Variants in TIAM1 observed in about 807,000 individuals in gnomAD.
TIAM1 encodes TIAM Rac1 associated GEF 1, also known as rho guanine nucleotide exchange factor TIAM1.
Under a neutral mutation model 163.5 loss-of-function variants are expected in TIAM1, and 65 were observed. The ratio of observed to expected loss-of-function variants is 0.40; its 90% CI spans 0.33 to 0.49. The LOEUF (loss-of-function observed/expected upper bound fraction) is 0.49, where lower values mean the gene tolerates loss of function less well. TIAM1 is among the 20% of genes least tolerant of loss of function. The pLI is 0.77. For missense variants in TIAM1, 1,789 were observed against 2,044.7 expected (o/e 0.87, Z 2.41); for synonymous variants, 833 against 810.1 (o/e 1.03, Z -0.48).
At chr21:31,170,984 T>C (rs2284475) in intron 15 of TIAM1, among the ~76,000 whole-genome samples, 115,271 of 146,010 alleles carry the variant, frequency 0.79, 45,430 homozygotes, top group South Asian at 0.89. Flanking sequence ...TGCCAGGAGC[T>C]GAGATTGTGC....
chr21:31,427,707 A>C (rs1482289406), intron 2 of TIAM1, among the ~76,000 whole-genome samples: 1 of 149,306 alleles, frequency 6.7e-6, no homozygotes, highest in African/African-American at 2.5e-5. Flanking sequence ...GGTGGTGTGC[A>C]CCTATAGTCC....
At chr21:31,436,194 C>A (rs999394358) in intron 2 of TIAM1, among the ~76,000 whole-genome samples, 2 of 152,132 alleles carry the variant, frequency 1.3e-5, no homozygotes, top group African/African-American at 2.4e-5. Context: ...ATTTATCAGC[C>A]TCCACTATAG....
intron 1 of TIAM1, among the ~76,000 whole-genome samples, chr21:31,341,191 G>A (rs944655829): frequency 2.6e-5 from 4 of 152,128 alleles, no homozygotes; most frequent in Admixed American, 6.5e-5. Context: ...AACCTTACAC[G>A]AATATTCATA....
chr21:31,556,722 T>G (rs2048892339), intron 1 of TIAM1, among the ~76,000 whole-genome samples: 1 of 152,202 alleles, frequency 6.6e-6, no homozygotes, highest in South Asian at 2.1e-4. Flanking sequence ...TTTGAAGATA[T>G]TCAATGAAAT....
At chr21:31,434,944 G>C (rs1239247948) in intron 2 of TIAM1, among the ~76,000 whole-genome samples, 1 of 152,230 alleles carries the variant, frequency 6.6e-6, no homozygotes, top group Non-Finnish European at 1.5e-5. Context: ...GTAAACGAAT[G>C]AAGTATTATG....
At chr21:31,387,195 C>CTCTTTTTTTT (rs759122075) in intron 2 of TIAM1, among the ~76,000 whole-genome samples, 14 of 75,160 alleles carry the variant, frequency 1.9e-4, no homozygotes, top group Admixed American at 4.1e-4. Flanking sequence ...AGCTTATTCT[C>CTCTTTTTTTT]TTTTTTTTTT....
At chr21:31,249,125 GA>G (rs1298792372) in intron 5 of TIAM1, among the ~76,000 whole-genome samples, 1 of 152,124 alleles carries the variant, frequency 6.6e-6, no homozygotes, top group Non-Finnish European at 1.5e-5. Context: ...AGTTAGCTCA[GA>G]ATATGATCAT....
At chr21:31,186,449 GACC>G (rs1360621194) in intron 14 of TIAM1, among the ~76,000 whole-genome samples, 1 of 152,026 alleles carries the variant, frequency 6.6e-6, no homozygotes, top group African/African-American at 2.4e-5. Flanking sequence ...GGAGAAGGAC[GACC>G]ACATGATTAG....
intron 1 of TIAM1, among the ~76,000 whole-genome samples, chr21:31,514,392 T>C (rs2047311282): frequency 6.6e-6 from 1 of 151,968 alleles, no homozygotes; most frequent in Non-Finnish European, 1.5e-5. Flanking sequence ...AATGTTAAGT[T>C]CCTAGCTGGA....
intron 1 of TIAM1, among the ~76,000 whole-genome samples, chr21:31,539,961 G>A (rs2048267044): frequency 6.6e-6 from 1 of 151,812 alleles, no homozygotes; most frequent in Admixed American, 6.6e-5. Context: ...GGAGGCTGAG[G>A]CACAAGGATC....
intron 2 of TIAM1, among the ~76,000 whole-genome samples, chr21:31,435,055 C>G (rs1348522039): frequency 6.6e-6 from 1 of 152,204 alleles, no homozygotes; most frequent in Admixed American, 6.5e-5. Flanking sequence ...TGGTACTGAG[C>G]AGATTCTTGG....
intron 6 of TIAM1, among the ~76,000 whole-genome samples, chr21:31,228,233 A>AGGAG (rs1569068675): frequency 3.2e-5 from 1 of 31,320 alleles, no homozygotes; most frequent in African/African-American, 1.1e-4. Flanking sequence ...AAAAAAAAAA[A>AGGAG]AAAAAAAAAA....
At chr21:31,397,972 C>G (rs778176955) in intron 2 of TIAM1, among the ~76,000 whole-genome samples, 43 of 152,012 alleles carry the variant, frequency 2.8e-4, no homozygotes, top group Non-Finnish European at 5.1e-4. Context: ...CTTCAGCCTG[C>G]CCCTGTGCAG....
intron 2 of TIAM1, among the ~76,000 whole-genome samples, chr21:31,320,102 A>G (rs1027296627): frequency 6.6e-5 from 10 of 152,230 alleles, no homozygotes; most frequent in Non-Finnish European, 8.8e-5. Context: ...CTATGCTTAC[A>G]TGTATATAAA....
At chr21:31,164,376 C>G (rs1009601800) in intron 16 of TIAM1, among the ~76,000 whole-genome samples, 1 of 141,234 alleles carries the variant, frequency 7.1e-6, no homozygotes, top group African/African-American at 2.8e-5. Context: ...GGCGACAGAG[C>G]GAGACTCCAT....
rs558208994 is a variant in TIAM1, at chr21:31,533,682, T to C, written c.-422+25245A>G. Among the ~76,000 whole-genome samples the C allele has an allele frequency of 1.8e-4, 28 of 152,290 alleles. No individual in the cohort carries two copies. In the South Asian group the frequency reaches 3.3e-3, roughly 18 times the overall value. Reference sequence around the variant, plus strand: ...CAGAAGTTTGAGGCTGCACGAGCTGTGTTCATGCCACTGCTCTCCGGCCTG... The same window carrying C: ...CAGAAGTTTGAGGCTGCACGAGCTGCGTTCATGCCACTGCTCTCCGGCCTG... On this transcript the variant is annotated intron_variant, in intron 1 of 28. Coordinates refer to the TIAM1 transcript ENST00000286827.
intron 2 of TIAM1, among the ~76,000 whole-genome samples, chr21:31,455,650 T>C (rs1260540159): frequency 6.6e-6 from 1 of 152,132 alleles, no homozygotes; most frequent in Non-Finnish European, 1.5e-5. Flanking sequence ...AACTATGAGT[T>C]AATAGTAGAA....
chr21:31,288,401 C>G (rs1296426095), intron 2 of TIAM1, among the ~76,000 whole-genome samples: 2 of 152,256 alleles, frequency 1.3e-5, no homozygotes, highest in African/African-American at 4.8e-5. Flanking sequence ...GCAGATTCAG[C>G]ATCTGATGAG....
At chr21:31,374,735 G>T (rs2076655910) in intron 2 of TIAM1, among the ~76,000 whole-genome samples, 1 of 152,192 alleles carries the variant, frequency 6.6e-6, no homozygotes, top group African/African-American at 2.4e-5. Context: ...AAGGCAATAT[G>T]GGATAAGACT....
Sources: allele counts gnomAD v4.1 joint callset (sites outside exome capture counted in the v4.1 genomes callset), GRCh38; gene constraint gnomAD v4.1.1; transcripts MANE v1.5; gene names NCBI Gene and HGNC (gene_info 2026-07-23, HGNC 2026-07-21).